The following CDH16 variants were observed in gnomAD, a reference collection of about 807,000 sequenced individuals.
CDH16 encodes cadherin 16.
CDH16 carries 79 observed loss-of-function variants against 87.6 expected under a neutral mutation model. The observed-to-expected ratio is 0.90, with a 90% CI of 0.75 to 1.09. CDH16 has a LOEUF of 1.09. Among genes scored for constraint, CDH16 ranks in the 50% least tolerant of loss-of-function variants. CDH16 has a pLI of 0.00. For missense variants in CDH16, 1,124 were observed against 1,071.7 expected (o/e 1.05, Z -0.68); for synonymous variants, 457 against 439.5 (o/e 1.04, Z -0.50).
At position 66,908,337 on chromosome 16, in the gene CDH16, A is replaced by G; in HGVS notation, c.*55T>C. The G allele has an allele frequency of 7.0e-7, 1 of 1,425,970 alleles. No homozygotes were observed. 88.3% of individuals were successfully genotyped at this position (1,425,970 alleles called of 1,614,324 possible). A position where few individuals can be genotyped will look rare whatever the true frequency, so the allele number is the denominator to read the frequency against. ...GATCTTGGGTGCTGGGCTCTCTCCCAGGGGACTCAGATGGAGCCAGAGGCC... is the reference window on the plus strand; with the variant it reads ...GATCTTGGGTGCTGGGCTCTCTCCCGGGGGACTCAGATGGAGCCAGAGGCC... On this transcript the variant is annotated 3_prime_UTR_variant, in exon 18 of 18. Transcript: ENST00000299752.
At position 66,916,419 on chromosome 16, in the gene CDH16, G is replaced by A. The variant is rs1436594177; in HGVS notation, c.140C>T (p.Pro47Leu). The A allele has an allele frequency of 1.2e-6, 2 of 1,601,240 alleles. No individual in the cohort carries two copies. Among genetic ancestry groups the A allele is most frequent in the East Asian group, 4.5e-5 (2 of 44,634 alleles). Residue 47 changes from proline (P) to leucine (L), a missense_variant, in exon 4 of 18, where the codon CCC (proline) becomes CTC (leucine). Coordinates refer to ENST00000299752, the MANE Select transcript of CDH16 (RefSeq NM_004062.4). This position sits in a 1 kb window ranked among gnomAD's most constrained non-coding sequence, Gnocchi z 4.1. ...FPLYLTKLPL[P>L]REGAEGQIVL... The stretch of plus-strand genomic sequence containing the variant: ...GATCTGGCCTTCAGCCCCCTCACGG[G>A]GCAGCGGCAACTGATGGAAATGAAC...
chr16:66,915,562 C>T (rs962972212), intron 5 of CDH16, among the ~76,000 whole-genome samples, 184 bp from the exon 6 acceptor site: 2 of 152,168 alleles, frequency 1.3e-5, no homozygotes, highest in African/African-American at 4.8e-5. Context: ...TGGATGGCAC[C>T]CTCAGTGGAG....
Position 66,917,704 on chromosome 16 carries a change from C to A in CDH16, c.67G>T (p.Ala23Ser). The A allele has an allele frequency of 2.5e-6, 4 of 1,612,692 alleles. No homozygotes were observed. The highest frequency in any genetic ancestry group is 1.6e-4 in the Middle Eastern group (1 of 6,062). ...VPQALPKAQP[A>S]ELSVEVPENY... ...TCTGGAACTTCCACAGACAGCTCTG[C>A]AGGCTGGGCCTTGGGGAGAGCCTGT... Residue 23 changes from alanine to serine, a missense_variant, in exon 3 of 18, where the codon GCA (alanine) becomes TCA (serine). Coordinates refer to ENST00000299752, the MANE Select transcript of CDH16 (RefSeq NM_004062.4).
At chr16:66,910,693 G>T in intron 14 of CDH16, 191 bp from the exon 15 acceptor site, 1 of 603,286 alleles carries the variant, frequency 1.7e-6, no homozygotes, top group East Asian at 3.3e-5. Flanking sequence ...GGAGCTCACT[G>T]CTGCTGGGTC....
rs759213070 is a variant in CDH16 at position 66,909,371 on chromosome 16, C to G, written c.2288G>C (p.Arg763Pro). The change falls in exon 17 of 18, where the codon CGC (arginine) becomes CCC (proline). Residue 763 changes from arginine to proline, a missense_variant. Arg to Pro is a moderately radical substitution (Grantham distance 103, BLOSUM62 -2). Coordinates refer to ENST00000299752, the MANE Select transcript of CDH16 (RefSeq NM_004062.4). This position sits in a 1 kb window ranked among gnomAD's most constrained non-coding sequence, Gnocchi z 4.1. ...CATGCACTGCCCCTCCACGTTGCAG[C>G]GACACACGATCACTGAGGGGAGAGG... ...WQLLVRVIVCRCNVEGQCMRK... is the reference protein window; with the variant it reads ...WQLLVRVIVCPCNVEGQCMRK... 29 of 1,610,172 alleles carry G rather than the reference C, an allele frequency of 1.8e-5. No homozygotes were observed. The highest frequency in any genetic ancestry group is 2.3e-5 in the Non-Finnish European group (27 of 1,178,262).
At chr16:66,917,131 CAAAAAA>C (rs57115386) in intron 3 of CDH16, among the ~76,000 whole-genome samples, 1 of 108,256 alleles carries the variant, frequency 9.2e-6, no homozygotes, top group Admixed American at 9.8e-5. Context: ...ACTAAAAATA[CAAAAAA>C]AAAAAAAAAA....
intron 2 of CDH16, 128 bp downstream of exon 2, chr16:66,917,893 C>T: frequency 9.8e-7 from 1 of 1,015,618 alleles, no homozygotes; most frequent in Non-Finnish European, 1.4e-6. Flanking sequence ...TCTATAGTCC[C>T]AGCTCTGACC....
chr16:66,913,088 G>C (rs1289528558), intron 9 of CDH16, 43 bp downstream of exon 9: 2 of 1,570,274 alleles, frequency 1.3e-6, no homozygotes, highest in East Asian at 2.2e-5. Context: ...GCAAGACCAG[G>C]TGGTTAATAG....
At position 66,911,195 on chromosome 16, in the gene CDH16, C is replaced by T. The variant is rs766799191; in HGVS notation, c.1911G>A (p.Glu637=). The change falls in exon 14 of 18, where the codon GAG becomes GAA. Residue 637 remains glutamate (E), a synonymous_variant. Transcript: ENST00000299752. ...GCCTGGCCATACCTGTATCCTGGGC[C>T]TCCACAAGCACCGTGTAGGTGTCCC... ...QPGDTYTVLV[E]AQDTDEPRLS... 1 of 1,612,690 alleles carries T rather than the reference C, an allele frequency of 6.2e-7. No homozygotes were observed.
chr16:66,911,854 G>A (rs1962430067), intron 13 of CDH16, 45 bp downstream of exon 13: 1 of 1,538,540 alleles, frequency 6.5e-7, no homozygotes, highest in African/African-American at 1.4e-5. Flanking sequence ...TCCCCAGGGA[G>A]CAGGGGCAAT....
Position 66,916,289 on chromosome 16 carries a change from T to C in CDH16, c.270A>G (p.Ala90=). ...CCAGCCATACCTGTAGCTGGTACTC[T>C]GCCTGCTCCTCTCGGTCCAGGGCCC... ...VTRALDREEQ[A]EYQLQVTLEM... is the part of the protein sequence containing the mutation. Residue 90 remains alanine, a synonymous_variant, in exon 4 of 18, where the codon GCA becomes GCG. Coordinates refer to ENST00000299752, the MANE Select transcript of CDH16 (RefSeq NM_004062.4). This position sits in a 1 kb window ranked among gnomAD's most constrained non-coding sequence, Gnocchi z 4.1. 2.5e-6 allele frequency: 4 copies of C among 1,613,832 alleles called. No homozygotes were observed. Among genetic ancestry groups the C allele is most frequent in the Non-Finnish European group, 3.4e-6 (4 of 1,179,692 alleles).
At position 66,910,307 on chromosome 16, in the gene CDH16, C is replaced by G. The variant is rs1462855683; in HGVS notation, c.2120G>C (p.Gly707Ala). Reference sequence around the variant, plus strand: ...ATCCCGTTGCACCGTGGGGTTGGGACCAAGGGTGAAGCTGTAGGGACCGTG... The same window carrying G: ...ATCCCGTTGCACCGTGGGGTTGGGAGCAAGGGTGAAGCTGTAGGGACCGTG... The part of the protein sequence containing the change: ...SGHGPYSFTL[G>A]PNPTVQRDWR... The change falls in exon 15 of 18, where the codon GGT becomes GCT. Residue 707 changes from glycine (G) to alanine (A), a missense_variant. By Grantham distance (60) the Gly-to-Ala change is moderately conservative (BLOSUM62 0). Transcript: ENST00000299752. 6 of 1,613,178 alleles carry G rather than the reference C, an allele frequency of 3.7e-6. No individual in the cohort carries two copies. Among genetic ancestry groups the G allele is most frequent in the Non-Finnish European group, 5.1e-6 (6 of 1,179,558 alleles).
In CDH16 at chr16:66,918,070, AGGACAGGCCTGAG is replaced by A. The variant is rs1962768297; in HGVS notation, c.-13-5_-6del. 6.3e-7 allele frequency: 1 copy of A among 1,579,938 alleles called. No homozygotes were observed. Among genetic ancestry groups the A allele is most frequent in the Non-Finnish European group, 8.6e-7 (1 of 1,162,746 alleles). On this transcript the variant is annotated splice_acceptor_variant and splice_polypyrimidine_tract_variant and 5_prime_UTR_variant and intron_variant, in exon 2 of 18. Transcript: ENST00000299752. LOFTEE classifies it low-confidence loss of function (5UTR_SPLICE). ...CCACAGCCAGGCAGGGACCATGGTC[AGGACAGGCCTGAG>A]GGACACGGCAGTGAGGATCCAGCCC...
In CDH16 at chr16:66,911,880, G is replaced by T; in HGVS notation, c.1790+19C>A. 5.7e-6 allele frequency: 9 copies of T among 1,572,658 alleles called. No individual in the cohort carries two copies. The highest frequency in any genetic ancestry group is 7.8e-6 in the Non-Finnish European group (9 of 1,155,250). ...CAGGGGCAATCCAGTCCAGGTAAGG[G>T]GCTGGGATTTTAGCTCACCTGAGGG... On this transcript the variant is annotated intron_variant, in intron 13 of 17. Coordinates refer to ENST00000299752, the MANE Select transcript of CDH16 (RefSeq NM_004062.4).
rs1390442103 is a variant in CDH16, at chr16:66,910,991, A to C, written c.1924+191T>G. ...GAGAATGATCAGAGAGGGGAGGCAG[A>C]TGCCAGACTTGCCCACCGGAGGAGT... On this transcript the variant is annotated intron_variant, in intron 14 of 17. Coordinates refer to ENST00000299752, the MANE Select transcript of CDH16 (RefSeq NM_004062.4). 12 of 554,712 alleles carry C rather than the reference A, an allele frequency of 2.2e-5. No homozygotes were observed. The East Asian group carries it at 3.7e-4, about 17-fold the overall frequency. The allele number at this position is 554,712 out of a possible 1,614,324, so 34.4% of individuals were successfully genotyped here.
Position 66,912,253 on chromosome 16 carries a change from T to C in CDH16, c.1537A>G (p.Arg513Gly). 3 of 1,609,984 alleles carry C rather than the reference T, an allele frequency of 1.9e-6. No individual in the cohort carries two copies. Among genetic ancestry groups the C allele is most frequent in the Non-Finnish European group, 8.5e-7 (1 of 1,177,474 alleles). The stretch of plus-strand genomic sequence containing the variant: ...ACCCAGGCCCTCACCTTGCAGAGTC[T>C]GAGTCTAACATGCCCAGAGTCTGGC... ...WEPDSGHVRL[R>G]LCKNLSYEAA... Residue 513 changes from arginine to glycine, a missense_variant, in exon 12 of 18, where the codon AGA (arginine) becomes GGA (glycine). Arg to Gly is a moderately radical substitution (Grantham distance 125). Coordinates refer to ENST00000299752, the MANE Select transcript of CDH16 (RefSeq NM_004062.4).
chr16:66,913,616 G>A lies in CDH16; in HGVS notation c.781-3C>T, dbSNP rs371612324. The A allele has an allele frequency of 2.0e-5, 33 of 1,610,832 alleles. No individual in the cohort carries two copies. In the East Asian group the frequency reaches 5.4e-4, roughly 26 times the overall value. On this transcript the variant is annotated splice_polypyrimidine_tract_variant and splice_region_variant and intron_variant, in intron 7 of 17. Transcript: ENST00000299752. ...ACATCACCCCCACTCCAGTGTACCT[G>A]GGGGGGACACCCCGGGCCAAGGGGC... is the stretch of plus-strand genomic sequence containing the variant.
chr16:66,912,460 C>T (rs556059257), intron 11 of CDH16, 30 bp from the exon 12 acceptor site: 2 of 1,614,014 alleles, frequency 1.2e-6, no homozygotes, highest in South Asian at 2.2e-5. Flanking sequence ...GGTGAGCCCC[C>T]CACCAGCATC....
rs2145478212 is a variant in CDH16 at position 66,918,864 on chromosome 16, T to G, written c.-74A>C. 6.6e-6 allele frequency: 1 copy of G among 152,502 alleles called. No homozygotes were observed. Among genetic ancestry groups the G allele is most frequent in the African/African-American group, 2.4e-5 (1 of 41,518 alleles). 9.4% of individuals were successfully genotyped at this position (152,502 alleles called of 1,614,324 possible). A position where few individuals can be genotyped will look rare whatever the true frequency, so the allele number is the denominator to read the frequency against. On this transcript the variant is annotated 5_prime_UTR_variant, in exon 1 of 18. Transcript: ENST00000299752. The stretch of plus-strand genomic sequence containing the variant: ...TGCCAAGCAAGAAGAGAGCTCCTTC[T>G]CCAGGGGGCTCTGGCCAGGCTGGGC...
Sources: allele counts gnomAD v4.1 joint callset (sites outside exome capture counted in the v4.1 genomes callset), GRCh38; gene constraint gnomAD v4.1.1; non-coding constraint Gnocchi (gnomAD v3.1); transcripts MANE v1.5; gene names NCBI Gene and HGNC (gene_info 2026-07-23, HGNC 2026-07-21).